MISFA: variants seen among roughly 807,000 people sequenced by gnomAD.
MISFA encodes the protein mitochondrial sheath formation associated.
chr11:18,607,636 T>C, the MISFA span: 1 of 152,436 alleles, frequency 6.6e-6, no homozygotes, highest in African/African-American at 2.4e-5. Flanking sequence ...TTTATAAGAG[T>C]GGTCAGGAAG....
At chr11:18,608,288 C>T in the MISFA span, 3 of 152,582 alleles carry the variant, frequency 2.0e-5, no homozygotes, top group Non-Finnish European at 4.4e-5. Flanking sequence ...CAAAATGAGT[C>T]CGTCTTAAAA....
the MISFA span, chr11:18,607,538 T>TA: frequency 6.6e-6 from 1 of 152,410 alleles, no homozygotes; most frequent in Non-Finnish European, 1.5e-5. Context: ...ATCAAAACAG[T>TA]AGAGAATACA....
the MISFA span, among the ~76,000 whole-genome samples, chr11:18,604,391 C>G: frequency 6.6e-6 from 1 of 152,042 alleles, no homozygotes; most frequent in Non-Finnish European, 1.5e-5. Context: ...CGCGATGGCT[C>G]ACACGTGTGA....
chr11:18,603,442 A>G, the MISFA span, among the ~76,000 whole-genome samples: 24 of 152,164 alleles, frequency 1.6e-4, no homozygotes, highest in Non-Finnish European at 2.9e-4. Flanking sequence ...TTGTATGCCC[A>G]GTCTTTGATG....
At chr11:18,602,747 T>C in the MISFA span, 2 of 181,314 alleles carry the variant, frequency 1.1e-5, no homozygotes, top group African/African-American at 4.7e-5. Flanking sequence ...TTAAACATTT[T>C]GGCAGGTGAC....
the MISFA span, chr11:18,607,388 ACTTTC>A: frequency 5.9e-5 from 9 of 152,656 alleles, no homozygotes; most frequent in Admixed American, 3.3e-4. Context: ...TATGAAAACT[ACTTTC>A]CTTTCACATC....
chr11:18,605,164 C>T, the MISFA span, among the ~76,000 whole-genome samples: 14 of 151,598 alleles, frequency 9.2e-5, no homozygotes, highest in South Asian at 2.1e-4. Flanking sequence ...TGCTTGAACC[C>T]GGGAGGTGGG....
At chr11:18,602,176 C>T in the MISFA span, 1 of 151,940 alleles carries the variant, frequency 6.6e-6, no homozygotes, top group African/African-American at 2.4e-5. Context: ...CAGACCAGCT[C>T]CTGGGTTTCT....
At chr11:18,602,813 G>C in the MISFA span, among the ~76,000 whole-genome samples, 4 of 152,064 alleles carry the variant, frequency 2.6e-5, no homozygotes, top group Non-Finnish European at 5.9e-5. Context: ...CAGAGCACAG[G>C]GCCCTTTTGA....
the MISFA span, among the ~76,000 whole-genome samples, chr11:18,604,661 C>T: frequency 6.6e-6 from 1 of 151,570 alleles, no homozygotes; most frequent in South Asian, 2.1e-4. Context: ...TAAGCTTATA[C>T]CATGTGGGGT....
the MISFA span, among the ~76,000 whole-genome samples, chr11:18,605,264 G>T: frequency 6.6e-6 from 1 of 151,442 alleles, no homozygotes; most frequent in Admixed American, 6.6e-5. Flanking sequence ...AAAGAGAAAA[G>T]AAAACCCAGG....
At chr11:18,603,217 T>G in the MISFA span, 2 of 399,110 alleles carry the variant, frequency 5.0e-6, no homozygotes, top group East Asian at 7.1e-5. Context: ...TTCAACTTTG[T>G]TCTCTATTCC....
the MISFA span, chr11:18,601,759 A>G: frequency 2.6e-6 from 1 of 380,896 alleles, no homozygotes. Flanking sequence ...AACTGGAGTT[A>G]ACATTGAACT....
the MISFA span, chr11:18,607,789 T>C: frequency 6.6e-6 from 1 of 152,174 alleles, no homozygotes; most frequent in Non-Finnish European, 1.5e-5. Flanking sequence ...AGAAATGCAC[T>C]CAGAAGTAAC....
chr11:18,606,219 C>A, the MISFA span, among the ~76,000 whole-genome samples: 1 of 152,154 alleles, frequency 6.6e-6, no homozygotes, highest in Non-Finnish European at 1.5e-5. Flanking sequence ...GGGAGAGAAG[C>A]TCTATCATGT....
the MISFA span, chr11:18,606,871 T>C: frequency 0.044 from 15,950 of 363,530 alleles, 417 homozygotes; most frequent in Middle Eastern, 0.1. Context: ...CCACATTCTT[T>C]TTTTTTTGAC....
the MISFA span, chr11:18,603,325 A>T: frequency 2.5e-6 from 1 of 396,274 alleles, no homozygotes; most frequent in Non-Finnish European, 4.4e-6. Flanking sequence ...TTTTAAAGTT[A>T]CTGTAGCTGT....
the MISFA span, chr11:18,609,833 T>C: frequency 1.2e-6 from 2 of 1,607,610 alleles, no homozygotes; most frequent in Admixed American, 1.7e-5. Context: ...AGAGCAGCTC[T>C]AGAATTTCAC....
At chr11:18,607,050 G>A in the MISFA span, 6 of 247,074 alleles carry the variant, frequency 2.4e-5, no homozygotes, top group South Asian at 1.3e-4. Context: ...TAGTAGAGAC[G>A]GGGTCTCACA....
Sources: gnomAD v4.1 joint callset for allele counts (sites outside exome capture counted in the v4.1 genomes callset) on GRCh38, gnomAD v4.1.1 for gene constraint, MANE v1.5 for transcripts, NCBI Gene and HGNC (gene_info 2026-07-23, HGNC 2026-07-21) for gene names.